Variants in ADCYAP1R1 observed in about 807,000 individuals in gnomAD.
ADCYAP1R1 encodes ADCYAP receptor type I.
ADCYAP1R1 carries 44 observed loss-of-function variants against 67.6 expected under a neutral mutation model. The observed-to-expected ratio is 0.65, with a 90% CI of 0.51 to 0.84. The LOEUF (loss-of-function observed/expected upper bound fraction) is 0.84, where lower values mean the gene tolerates loss of function less well. Among genes scored for constraint, ADCYAP1R1 ranks in the 40% least tolerant of loss-of-function variants. ADCYAP1R1 has a pLI of 0.00. For synonymous variants in ADCYAP1R1, 222 were observed against 219.6 expected, an observed-to-expected ratio of 1.01 and a Z score of -0.10; for missense variants, 477 against 587.9, an observed-to-expected ratio of 0.81 and a Z score of 1.95.
rs551879336 is a variant in ADCYAP1R1, at chr7:31,086,821, G to A, written c.824-122G>A. On this transcript the variant is annotated intron_variant, in intron 10 of 15. Coordinates refer to ENST00000304166, the MANE Select transcript of ADCYAP1R1 (RefSeq NM_001118.5). This position sits in a 1 kb window ranked among gnomAD's most constrained non-coding sequence, Gnocchi z 5.0. ...GAGGCCTGGGTGTGAGGGACAGTTAGAATTCCCAGGAATTCCAAGTCTCAT... is the reference window on the plus strand; with the variant it reads ...GAGGCCTGGGTGTGAGGGACAGTTAAAATTCCCAGGAATTCCAAGTCTCAT... The A allele has an allele frequency of 3.6e-6, 4 of 1,117,188 alleles. No homozygotes were observed. Among genetic ancestry groups the A allele is most frequent in the Non-Finnish European group, 4.1e-6 (3 of 739,276 alleles). The allele number at this position is 1,117,188 out of a possible 1,614,324, so 69.2% of individuals were successfully genotyped here. A position where few individuals can be genotyped will look rare whatever the true frequency, so the allele number is the denominator to read the frequency against.
chr7:31,084,157 C>T lies in ADCYAP1R1; in HGVS notation c.345C>T (p.Ser115=), dbSNP rs1795638117. The stretch of plus-strand genomic sequence containing the variant: ...TTGCTGCAGACATGGGAGTGGTGAG[C>T]CGGAACTGCACGGAGGATGGCTGGT... The part of the protein sequence containing the change: ...SLDLSDMGVV[S]RNCTEDGWSE... Residue 115 remains serine (S), a synonymous_variant, in exon 7 of 16, where the codon AGC becomes AGT. Transcript: ENST00000304166. 3 of 1,614,006 alleles carry T rather than the reference C, an allele frequency of 1.9e-6. No individual in the cohort carries two copies. The highest frequency in any genetic ancestry group is 2.5e-6 in the Non-Finnish European group (3 of 1,180,012).
At chr7:31,083,934 G>A (rs1795623564) in intron 6 of ADCYAP1R1, among the ~76,000 whole-genome samples, 1 of 152,180 alleles carries the variant, frequency 6.6e-6, no homozygotes, top group African/African-American at 2.4e-5. Context: ...AGCTGGCGCA[G>A]TCTCCCCATC....
chr7:31,092,237 G>T (rs944525006), intron 12 of ADCYAP1R1, among the ~76,000 whole-genome samples: 8 of 151,050 alleles, frequency 5.3e-5, no homozygotes, highest in Non-Finnish European at 1.2e-4. Flanking sequence ...CAATGCTTAT[G>T]GCTGTCCATT....
intron 14 of ADCYAP1R1, among the ~76,000 whole-genome samples, chr7:31,103,653 T>C (rs1489852938): frequency 2.0e-5 from 3 of 151,846 alleles, no homozygotes; most frequent in African/African-American, 7.3e-5. Flanking sequence ...CAGGGTGGAG[T>C]GTCCTCAAGA....
At chr7:31,090,468 T>C (rs1300484770) in intron 12 of ADCYAP1R1, among the ~76,000 whole-genome samples, 3 of 152,224 alleles carry the variant, frequency 2.0e-5, no homozygotes, top group East Asian at 1.9e-4. Context: ...GTTTGTTACA[T>C]AGGTATATCA....
At chr7:31,088,528 C>G (rs1795842492) in intron 12 of ADCYAP1R1, among the ~76,000 whole-genome samples, 1 of 152,180 alleles carries the variant, frequency 6.6e-6, no homozygotes, top group Non-Finnish European at 1.5e-5. Flanking sequence ...CATCTTCAAT[C>G]CAGCTGAAAT....
At chr7:31,053,149 C>A (rs1258084887) in intron 1 of ADCYAP1R1, among the ~76,000 whole-genome samples, 1 of 152,180 alleles carries the variant, frequency 6.6e-6, no homozygotes, top group Non-Finnish European at 1.5e-5. Flanking sequence ...GTACCGCAAT[C>A]CGCACGGGGT....
chr7:31,106,458 G>A (rs1310070102), intron 15 of ADCYAP1R1, 38 bp from the exon 16 acceptor site: 1 of 1,568,190 alleles, frequency 6.4e-7, no homozygotes, highest in South Asian at 1.2e-5. Flanking sequence ...TGCAGAGGAT[G>A]TCCATCTGGA....
At chr7:31,075,337 G>A (rs747966458) in intron 3 of ADCYAP1R1, among the ~76,000 whole-genome samples, 12 of 152,138 alleles carry the variant, frequency 7.9e-5, no homozygotes, top group Admixed American at 5.9e-4. Flanking sequence ...CCTGTGAGGC[G>A]GGCACTGTCG....
chr7:31,100,025 C>T, intron 13 of ADCYAP1R1: 1 of 1,152,920 alleles, frequency 8.7e-7, no homozygotes, highest in Non-Finnish European at 1.3e-6. Context: ...CTGCCCTGGC[C>T]CTGTCTCCAT....
intron 13 of ADCYAP1R1, among the ~76,000 whole-genome samples, chr7:31,098,936 A>G (rs960858845): frequency 5.9e-5 from 9 of 152,196 alleles, no homozygotes; most frequent in African/African-American, 2.2e-4. Context: ...GGAGACTCAG[A>G]GCCATGTGGT....
chr7:31,085,907 G>C (rs1471630683), intron 9 of ADCYAP1R1, among the ~76,000 whole-genome samples: 1 of 152,204 alleles, frequency 6.6e-6, no homozygotes, highest in Non-Finnish European at 1.5e-5. Context: ...TGAGGAGGTA[G>C]GTTAGGAAGA....
rs1231468403 is a variant in ADCYAP1R1, at chr7:31,063,271, G to A, written c.7G>A (p.Gly3Ser). The change falls in exon 2 of 16, where the codon GGT becomes AGT. Residue 3 changes from glycine to serine, a missense_variant. Transcript: ENST00000304166. ...GTGCTGGCCAAGAAGTGTCATGGCT[G>A]GTGTCGTGCACGTTTCCCTGGCTGC... is the stretch of plus-strand genomic sequence containing the variant. MA[G>S]VVHVSLAALL... The A allele has an allele frequency of 1.2e-6, 2 of 1,614,204 alleles. No homozygotes were observed. Among genetic ancestry groups the A allele is most frequent in the Non-Finnish European group, 8.5e-7 (1 of 1,180,032 alleles).
At chr7:31,055,062 G>A (rs1794183265) in intron 1 of ADCYAP1R1, among the ~76,000 whole-genome samples, 2 of 152,178 alleles carry the variant, frequency 1.3e-5, no homozygotes, top group Admixed American at 1.3e-4. Context: ...TCTGGATGCC[G>A]TCAGAGGCAA....
At chr7:31,081,876 C>A (rs1022106989) in intron 6 of ADCYAP1R1, 122 bp downstream of exon 6, 2 of 710,020 alleles carry the variant, frequency 2.8e-6, no homozygotes, top group Non-Finnish European at 4.6e-6. Context: ...TGATCTTTGG[C>A]AGGTGACTTT....
intron 3 of ADCYAP1R1, among the ~76,000 whole-genome samples, chr7:31,071,071 C>T (rs959952931): frequency 1.3e-5 from 2 of 152,202 alleles, no homozygotes; most frequent in Non-Finnish European, 2.9e-5. Context: ...TCTAACAATA[C>T]CTGGGCATCC....
chr7:31,063,450 A>G, intron 2 of ADCYAP1R1, 135 bp downstream of exon 2: 10 of 884,692 alleles, frequency 1.1e-5, no homozygotes, highest in Non-Finnish European at 1.6e-5. Flanking sequence ...CCACTGGGCC[A>G]CCCAGTGCCT....
intron 2 of ADCYAP1R1, among the ~76,000 whole-genome samples, chr7:31,064,141 AC>A (rs1339624554): frequency 1.3e-5 from 2 of 152,030 alleles, no homozygotes; most frequent in African/African-American, 4.8e-5. Flanking sequence ...GAGTTTCTTA[AC>A]CTCTCTGAGC....
intron 12 of ADCYAP1R1, among the ~76,000 whole-genome samples, chr7:31,092,436 C>T (rs1200793927): frequency 6.6e-6 from 1 of 152,006 alleles, no homozygotes; most frequent in East Asian, 1.9e-4. Flanking sequence ...ATTTCCCGTA[C>T]TTCTATGGAA....
Sources: gnomAD v4.1 joint callset for allele counts (sites outside exome capture counted in the v4.1 genomes callset) on GRCh38, gnomAD v4.1.1 for gene constraint, Gnocchi (gnomAD v3.1) non-coding constraint, MANE v1.5 for transcripts, NCBI Gene and HGNC (gene_info 2026-07-23, HGNC 2026-07-21) for gene names.